CNTNAP2: variants seen among roughly 807,000 people sequenced by gnomAD.
The protein encoded by CNTNAP2 is contactin-associated protein-like 2.
In CNTNAP2, 98 loss-of-function variants were observed where a neutral mutation model predicts 155.2. The ratio of observed to expected loss-of-function variants is 0.63; its 90% CI spans 0.54 to 0.75. CNTNAP2 has a LOEUF of 0.75. Among genes scored for constraint, CNTNAP2 ranks in the 30% least tolerant of loss-of-function variants. The probability of loss-of-function intolerance (pLI) is 0.00; values close to 1 mark genes in which losing one functional copy is unlikely to be tolerated. For synonymous variants in CNTNAP2, 651 were observed against 631.2 expected (o/e 1.03, Z -0.47); for missense variants, 1,727 against 1,688.1 (o/e 1.02, Z -0.40).
intron 1 of CNTNAP2, among the ~76,000 whole-genome samples, chr7:146,223,717 A>G (rs867680946): frequency 6.6e-6 from 1 of 152,208 alleles, no homozygotes. Context: ...TTTATTTGTT[A>G]TTATAATGTA....
At chr7:148,166,023 A>G (rs1805651013) in intron 17 of CNTNAP2, among the ~76,000 whole-genome samples, 1 of 151,648 alleles carries the variant, frequency 6.6e-6, no homozygotes, top group Non-Finnish European at 1.5e-5. Flanking sequence ...CTCTCCATGG[A>G]CGAGCTCATG....
chr7:147,414,365 A>C (rs1200749646), intron 10 of CNTNAP2, among the ~76,000 whole-genome samples: 1 of 151,032 alleles, frequency 6.6e-6, no homozygotes, highest in East Asian at 2.0e-4. Context: ...CAGGGGCTGC[A>C]ATGAGCTGAG....
At chr7:147,195,440 T>G (rs934084188) in intron 8 of CNTNAP2, among the ~76,000 whole-genome samples, 21 of 152,148 alleles carry the variant, frequency 1.4e-4, no homozygotes, top group Non-Finnish European at 2.6e-4. Context: ...TAAAATAGTT[T>G]TTTTTTCTAA....
At chr7:146,261,652 A>T (rs1176133803) in intron 1 of CNTNAP2, among the ~76,000 whole-genome samples, 1 of 151,952 alleles carries the variant, frequency 6.6e-6, no homozygotes, top group Non-Finnish European at 1.5e-5. Context: ...TTTCTCCTCA[A>T]CAGAAAGTCT....
rs544948578 is a variant in CNTNAP2, at chr7:146,416,504, C to G, written c.97+299531C>G. On this transcript the variant is annotated intron_variant, in intron 1 of 23. Transcript: ENST00000361727. ...GCTCCCAGGCCCAAGCAATCCTTCTCTCAGCCTCCTGAGTAGCTGCAACTA... is the reference window on the plus strand; with the variant it reads ...GCTCCCAGGCCCAAGCAATCCTTCTGTCAGCCTCCTGAGTAGCTGCAACTA... 2.0e-5 allele frequency among the ~76,000 whole-genome samples: 3 copies of G among 152,244 alleles called. No homozygotes were observed. In the East Asian group the frequency reaches 5.8e-4, roughly 30 times the overall value.
intron 1 of CNTNAP2, among the ~76,000 whole-genome samples, chr7:146,725,438 G>A (rs1310443936): frequency 2.0e-5 from 3 of 152,040 alleles, no homozygotes; most frequent in Non-Finnish European, 2.9e-5. Context: ...GCTAATTTGG[G>A]GAAATATTTA....
intron 1 of CNTNAP2, among the ~76,000 whole-genome samples, chr7:146,643,937 T>A (rs1003826925): frequency 5.3e-5 from 8 of 152,050 alleles, no homozygotes; most frequent in African/African-American, 1.9e-4. Flanking sequence ...TGAATGGGAG[T>A]TCACTCATGA....
intron 10 of CNTNAP2, among the ~76,000 whole-genome samples, chr7:147,435,683 G>A (rs894283752): frequency 8.5e-5 from 13 of 152,166 alleles, no homozygotes; most frequent in Non-Finnish European, 1.8e-4. Flanking sequence ...AGTTAAACAC[G>A]TTGGGTGTGG....
chr7:147,863,196 T>C (rs575923445), intron 13 of CNTNAP2, among the ~76,000 whole-genome samples: 55 of 152,294 alleles, frequency 3.6e-4, no homozygotes, highest in Non-Finnish European at 6.6e-4. Context: ...TTTTCTGTCC[T>C]TGTGATAGTT....
chr7:146,403,441 G>A (rs932714091), intron 1 of CNTNAP2, among the ~76,000 whole-genome samples: 2 of 151,978 alleles, frequency 1.3e-5, no homozygotes, highest in East Asian at 3.9e-4. Context: ...TTTCTGCTGC[G>A]ATTTTGTTCG....
chr7:146,303,639 T>G (rs1051874232), intron 1 of CNTNAP2, among the ~76,000 whole-genome samples: 3 of 152,170 alleles, frequency 2.0e-5, no homozygotes, highest in Admixed American at 6.6e-5. Flanking sequence ...AGAGACAGTT[T>G]GTTATAATTT....
chr7:148,398,152 C>T lies in CNTNAP2; in HGVS notation c.3716-11239C>T, dbSNP rs530519691. 2.6e-4 allele frequency among the ~76,000 whole-genome samples: 39 copies of T among 152,326 alleles called. No homozygotes were observed. In the South Asian group the frequency reaches 7.0e-3, roughly 28 times the overall value. On this transcript the variant is annotated intron_variant, in intron 22 of 23. Coordinates refer to ENST00000361727, the MANE Select transcript of CNTNAP2 (RefSeq NM_014141.6). ...GCACTTTAGGTTTGCCCATGCCCCC[C>T]TTCTAACCGCACAGTGGAGACAGAA...
In CNTNAP2 at chr7:147,997,781, A is replaced by C. The variant is rs527726526; in HGVS notation, c.2383+19792A>C. On this transcript the variant is annotated intron_variant, in intron 15 of 23. Coordinates refer to ENST00000361727, the MANE Select transcript of CNTNAP2 (RefSeq NM_014141.6). ...TACCTGATTATTCCTAAGGAGGTGA[A>C]AAGAGGTGTTACCAGTAAGCATGTT... Among the ~76,000 whole-genome samples the C allele has an allele frequency of 2.5e-4, 38 of 152,246 alleles. 1 individual carries two copies. The South Asian group carries it at 7.7e-3, about 31-fold the overall frequency.
rs779390873 is a variant in CNTNAP2 at position 147,638,819 on chromosome 7, G to C, written c.1898-287G>C. On this transcript the variant is annotated intron_variant, in intron 12 of 23. Transcript: ENST00000361727. Reference sequence around the variant, plus strand: ...CTGATATTCAATGCTGCAGATGTTAGAGCACCAACAAGATACAAAAGCTTT... The same window carrying C: ...CTGATATTCAATGCTGCAGATGTTACAGCACCAACAAGATACAAAAGCTTT... The C allele has an allele frequency of 2.1e-5, 11 of 527,970 alleles. 1 individual carries two copies. Among genetic ancestry groups the C allele is most frequent in the South Asian group, 1.6e-4 (9 of 57,880 alleles). The allele number at this position is 527,970 out of a possible 1,614,324, so 32.7% of individuals were successfully genotyped here.
rs374288589 is a variant in CNTNAP2 at position 147,975,215 on chromosome 7, A to G, written c.2256-2647A>G. Among the ~76,000 whole-genome samples the G allele has an allele frequency of 2.0e-5, 3 of 152,120 alleles. No homozygotes were observed. In the East Asian group the frequency reaches 5.8e-4, roughly 29 times the overall value. On this transcript the variant is annotated intron_variant, in intron 14 of 23. Coordinates refer to ENST00000361727, the MANE Select transcript of CNTNAP2 (RefSeq NM_014141.6). Reference sequence around the variant, plus strand: ...GAAGGAGCTAGGCACAAAGGAATGCATAGTGATTCCATGCACATAAAGGTC... The same window carrying G: ...GAAGGAGCTAGGCACAAAGGAATGCGTAGTGATTCCATGCACATAAAGGTC...
chr7:146,828,210 A>T (rs1041689622), intron 2 of CNTNAP2, among the ~76,000 whole-genome samples: 4 of 152,104 alleles, frequency 2.6e-5, no homozygotes, highest in Non-Finnish European at 4.4e-5. Flanking sequence ...CTCATTAACA[A>T]TAAAAATTAT....
At chr7:146,778,898 G>A (rs1305977617) in intron 2 of CNTNAP2, among the ~76,000 whole-genome samples, 1 of 152,154 alleles carries the variant, frequency 6.6e-6, no homozygotes, top group Admixed American at 6.5e-5. Flanking sequence ...TACCACAGAG[G>A]CTTAGTGAGA....
intron 1 of CNTNAP2, among the ~76,000 whole-genome samples, chr7:146,437,140 G>C (rs769555900): frequency 6.6e-6 from 1 of 151,258 alleles, no homozygotes; most frequent in East Asian, 1.9e-4. Context: ...TACTGTGAAC[G>C]TGCATGAGAG....
chr7:147,882,750 C>T (rs1026033736), intron 13 of CNTNAP2, among the ~76,000 whole-genome samples: 3 of 151,424 alleles, frequency 2.0e-5, no homozygotes, highest in African/African-American at 7.3e-5. Flanking sequence ...TTACTCATTA[C>T]CCTAAACCTA....
Sources: gnomAD v4.1 joint callset for allele counts (sites outside exome capture counted in the v4.1 genomes callset) on GRCh38, gnomAD v4.1.1 for gene constraint, MANE v1.5 for transcripts, NCBI Gene and HGNC (gene_info 2026-07-23, HGNC 2026-07-21) for gene names.